The following CGNL1 variants were observed in gnomAD, a reference collection of about 807,000 sequenced individuals.
The protein encoded by CGNL1 is cingulin-like protein 1.
In CGNL1, 132 loss-of-function variants were observed where a neutral mutation model predicts 141.2. The ratio of observed to expected loss-of-function variants is 0.93; its 90% CI spans 0.81 to 1.08. The LOEUF is 1.08. CGNL1 is among the 50% of genes least tolerant of loss of function. The probability of loss-of-function intolerance (pLI) is 0.00; values close to 1 mark genes in which losing one functional copy is unlikely to be tolerated. For missense variants in CGNL1, 1,870 were observed against 1,588.6 expected, an observed-to-expected ratio of 1.18 and a Z score of -3.01; for synonymous variants, 690 against 622.1, an observed-to-expected ratio of 1.11 and a Z score of -1.63.
rs2063819256 is a variant in CGNL1 at position 57,488,760 on chromosome 15, G to A, written c.2403+26868G>A. Among the ~76,000 whole-genome samples the A allele has an allele frequency of 2.6e-5, 4 of 152,240 alleles. No individual in the cohort carries two copies. The South Asian group carries it at 8.3e-4, about 32-fold the overall frequency. ...GCTAAACAGGCCCTTAAGAACATGG[G>A]TGATATTTTGAAAGCTGCAGGCTGT... On this transcript the variant is annotated intron_variant, in intron 8 of 18. Transcript: ENST00000281282.
At chr15:57,542,959 A>T (rs558113629) in intron 14 of CGNL1, among the ~76,000 whole-genome samples, 1 of 152,296 alleles carries the variant, frequency 6.6e-6, no homozygotes, top group South Asian at 2.1e-4. Flanking sequence ...GTGTCATAGG[A>T]TCCTACCTGT....
At chr15:57,404,554 T>C (rs190143552) in intron 1 of CGNL1, among the ~76,000 whole-genome samples, 20 of 152,342 alleles carry the variant, frequency 1.3e-4, no homozygotes, top group Admixed American at 1.0e-3. Flanking sequence ...AAAATGCTTT[T>C]AGTAGTGGCT....
intron 8 of CGNL1, among the ~76,000 whole-genome samples, chr15:57,467,369 T>C (rs555739073): frequency 6.6e-6 from 1 of 152,238 alleles, no homozygotes; most frequent in South Asian, 2.1e-4. Flanking sequence ...TGAGTGATGT[T>C]TGGGCATGCG....
At chr15:57,527,610 G>T (rs2031692931) in intron 12 of CGNL1, 1 of 152,282 alleles carries the variant, frequency 6.6e-6, no homozygotes, top group African/African-American at 2.4e-5. Context: ...TTCTAGAGAA[G>T]TTCAAGACAC....
chr15:57,547,477 C>T lies in CGNL1; in HGVS notation c.3896C>T (p.Ala1299Val). 1.9e-6 allele frequency: 3 copies of T among 1,613,968 alleles called. No homozygotes were observed. Among genetic ancestry groups the T allele is most frequent in the Non-Finnish European group, 1.7e-6 (2 of 1,179,904 alleles). Reference protein sequence around the residue: ...SYTFSKDSTVASQI With the variant: ...SYTFSKDSTVVSQI ...ACATTCTCCAAGGACAGCACCGTCG[C>T]CAGCCAGATCTGAGTGCTCTCCCGG... The change falls in exon 19 of 19, where the codon GCC (alanine) becomes GTC (valine). Residue 1299 changes from alanine (A) to valine (V), a missense_variant. Ala to Val is a moderately conservative substitution (Grantham distance 64, BLOSUM62 0). Transcript: ENST00000281282.
At chr15:57,437,162 T>C (rs910244243) in intron 1 of CGNL1, among the ~76,000 whole-genome samples, 14 of 152,180 alleles carry the variant, frequency 9.2e-5, no homozygotes, top group Non-Finnish European at 1.9e-4. Context: ...TCTGGCAAGG[T>C]TGGCCACACA....
chr15:57,507,230 A>G (rs1869726067), intron 8 of CGNL1, among the ~76,000 whole-genome samples: 1 of 152,200 alleles, frequency 6.6e-6, no homozygotes. Context: ...AAATCACTTA[A>G]CTGCTCTACA....
At chr15:57,455,003 T>C (rs2063362442) in intron 7 of CGNL1, among the ~76,000 whole-genome samples, 1 of 152,226 alleles carries the variant, frequency 6.6e-6, no homozygotes, top group African/African-American at 2.4e-5. Flanking sequence ...ATAGCTTTCA[T>C]CTACCCATGT....
intron 4 of CGNL1, 148 bp from the exon 5 acceptor site, chr15:57,451,352 C>A: frequency 3.5e-6 from 2 of 570,746 alleles, no homozygotes; most frequent in Non-Finnish European, 6.1e-6. Context: ...GGGAAGGTTC[C>A]CTGAAGGGGT....
chr15:57,529,833 G>A (rs1425345366), intron 13 of CGNL1, among the ~76,000 whole-genome samples: 3 of 152,224 alleles, frequency 2.0e-5, no homozygotes, highest in Admixed American at 6.5e-5. Flanking sequence ...AGGGGACTTA[G>A]TAGCTGTTTA....
chr15:57,442,070 A>G (rs1313586349), intron 3 of CGNL1, among the ~76,000 whole-genome samples: 2 of 151,360 alleles, frequency 1.3e-5, no homozygotes, highest in Admixed American at 1.3e-4. Flanking sequence ...ACAAATTACT[A>G]AATGTTCACT....
chr15:57,434,561 T>C (rs2063082525), intron 1 of CGNL1, among the ~76,000 whole-genome samples: 1 of 152,212 alleles, frequency 6.6e-6, no homozygotes. Flanking sequence ...TCCCCAATTT[T>C]ATAAAACCCA....
intron 1 of CGNL1, among the ~76,000 whole-genome samples, chr15:57,436,883 T>C (rs1407757251): frequency 6.6e-6 from 1 of 152,106 alleles, no homozygotes; most frequent in African/African-American, 2.4e-5. Flanking sequence ...CTACCCAAAT[T>C]CTGCAAATAA....
At chr15:57,441,912 G>T (rs1288402355) in intron 3 of CGNL1, among the ~76,000 whole-genome samples, 2 of 151,982 alleles carry the variant, frequency 1.3e-5, no homozygotes, top group Admixed American at 6.6e-5. Context: ...TTAAACATAG[G>T]TTAAACAAAT....
At chr15:57,394,318 T>A (rs2062578937) in intron 1 of CGNL1, among the ~76,000 whole-genome samples, 1 of 151,574 alleles carries the variant, frequency 6.6e-6, no homozygotes, top group Admixed American at 6.6e-5. Flanking sequence ...AGAGATGGGG[T>A]TTCTCCATGT....
At chr15:57,545,460 G>T (rs981286532) in intron 16 of CGNL1, 132 bp from the exon 17 acceptor site, 1 of 673,788 alleles carries the variant, frequency 1.5e-6, no homozygotes, top group Non-Finnish European at 2.5e-6. Flanking sequence ...CTGTGAAGTT[G>T]TGTTTCCCTG....
chr15:57,390,300 T>C (rs982178125), intron 1 of CGNL1, among the ~76,000 whole-genome samples: 13 of 152,162 alleles, frequency 8.5e-5, no homozygotes, highest in African/African-American at 3.1e-4. Context: ...GCAACAAATA[T>C]GCAGGGCCAG....
intron 8 of CGNL1, among the ~76,000 whole-genome samples, chr15:57,487,480 C>G (rs1407615142): frequency 6.6e-6 from 1 of 152,108 alleles, no homozygotes; most frequent in African/African-American, 2.4e-5. Context: ...ATATTTTTCT[C>G]AAAAGCATTT....
At chr15:57,516,522 C>T (rs2030811565) in intron 8 of CGNL1, among the ~76,000 whole-genome samples, 1 of 152,140 alleles carries the variant, frequency 6.6e-6, no homozygotes, top group Non-Finnish European at 1.5e-5. Flanking sequence ...ACCACTCGGC[C>T]CTGCTGTTGT....
Sources: gnomAD v4.1 joint callset for allele counts (sites outside exome capture counted in the v4.1 genomes callset) on GRCh38, gnomAD v4.1.1 for gene constraint, MANE v1.5 for transcripts, NCBI Gene and HGNC (gene_info 2026-07-23, HGNC 2026-07-21) for gene names.